MNAT1: variants seen among roughly 807,000 people sequenced by gnomAD.
The protein encoded by MNAT1 is CDK-activating kinase assembly factor MAT1.
In MNAT1, 43 loss-of-function variants were observed where a neutral mutation model predicts 42.0. That is an observed-to-expected ratio of 1.02 (90% confidence interval 0.80 to 1.32). MNAT1 has a LOEUF of 1.32. Among genes scored for constraint, MNAT1 ranks in the 40% most tolerant of loss-of-function variants. MNAT1 has a pLI of 0.00. For synonymous variants in MNAT1, 118 were observed against 120.0 expected (o/e 0.98, Z 0.11); for missense variants, 306 against 350.4 (o/e 0.87, Z 1.01).
chr14:60,821,605 G>A (rs538337997), intron 6 of MNAT1, among the ~76,000 whole-genome samples: 1 of 152,224 alleles, frequency 6.6e-6, no homozygotes, highest in East Asian at 1.9e-4. Context: ...TTTATGCATC[G>A]ATCAAGTGTG....
chr14:60,864,057 AC>A (rs1472495457), intron 6 of MNAT1, among the ~76,000 whole-genome samples: 4 of 152,002 alleles, frequency 2.6e-5, no homozygotes, highest in Non-Finnish European at 5.9e-5. Context: ...AAACAAGACA[AC>A]TTCTAAGTGA....
chr14:60,923,950 A>G (rs2035714607), intron 7 of MNAT1, among the ~76,000 whole-genome samples: 1 of 152,214 alleles, frequency 6.6e-6, no homozygotes, highest in African/African-American at 2.4e-5. Flanking sequence ...AAAACAAGAT[A>G]AAAACAGTAG....
At chr14:60,941,227 CT>C (rs2036153010) in intron 7 of MNAT1, among the ~76,000 whole-genome samples, 1 of 152,154 alleles carries the variant, frequency 6.6e-6, no homozygotes, top group African/African-American at 2.4e-5. Context: ...ATTTCTCTGG[CT>C]AGTCCATTTT....
intron 6 of MNAT1, 53 bp from the exon 7 acceptor site, chr14:60,879,661 A>T (rs1191445666): frequency 6.7e-7 from 1 of 1,492,478 alleles, no homozygotes; most frequent in Non-Finnish European, 9.2e-7. Context: ...ATAAATAAGT[A>T]GCAATATGAA....
chr14:60,935,933 G>A (rs1394248559), intron 7 of MNAT1, among the ~76,000 whole-genome samples: 1 of 152,098 alleles, frequency 6.6e-6, no homozygotes, highest in Non-Finnish European at 1.5e-5. Flanking sequence ...TGAAAGGTGA[G>A]TAGAACAGGA....
In MNAT1 at chr14:60,744,827, C is replaced by T. The variant is rs143947674; in HGVS notation, c.89+9876C>T. 1.7e-3 allele frequency among the ~76,000 whole-genome samples: 260 copies of T among 152,272 alleles called. 1 individual carries two copies. Among genetic ancestry groups the T allele is most frequent in the African/African-American group, 5.5e-3 (230 of 41,550 alleles). On this transcript the variant is annotated intron_variant, in intron 1 of 7. Transcript: ENST00000261245. ...CTCTTAGTTGAGGCATTTTTGATAT[C>T]TCAGCTGGATATCTGAGATGTTAAT...
intron 6 of MNAT1, among the ~76,000 whole-genome samples, chr14:60,857,910 T>C (rs1468494663): frequency 6.6e-6 from 1 of 152,204 alleles, no homozygotes; most frequent in Non-Finnish European, 1.5e-5. Context: ...GAACTCATCA[T>C]TTTTTATGGC....
At chr14:60,892,896 C>T (rs1279509828) in intron 7 of MNAT1, among the ~76,000 whole-genome samples, 1 of 152,024 alleles carries the variant, frequency 6.6e-6, no homozygotes, top group Non-Finnish European at 1.5e-5. Context: ...GTTGACAGCA[C>T]CACAGAATTA....
At chr14:60,736,154 A>G (rs1355582600) in intron 1 of MNAT1, among the ~76,000 whole-genome samples, 1 of 152,246 alleles carries the variant, frequency 6.6e-6, no homozygotes, top group Admixed American at 6.5e-5. Context: ...AGTAAGGTAA[A>G]AGTAATCAAG....
chr14:60,799,367 C>T (rs974297338), intron 3 of MNAT1: 2 of 985,174 alleles, frequency 2.0e-6, no homozygotes, highest in African/African-American at 3.5e-5. Context: ...AGAAAGAAAT[C>T]TACAAGAACT....
intron 1 of MNAT1, among the ~76,000 whole-genome samples, chr14:60,737,297 C>T (rs539047355): frequency 2.3e-4 from 35 of 152,056 alleles, no homozygotes; most frequent in South Asian, 2.3e-3. Context: ...TGTATATTTT[C>T]GGATATTTTC....
chr14:60,925,434 A>T (rs1335424724), intron 7 of MNAT1, among the ~76,000 whole-genome samples: 3 of 152,174 alleles, frequency 2.0e-5, no homozygotes, highest in Non-Finnish European at 4.4e-5. Flanking sequence ...AATGGGATGC[A>T]TGAAGCCACA....
intron 6 of MNAT1, among the ~76,000 whole-genome samples, chr14:60,852,019 C>T (rs2033835780): frequency 6.6e-6 from 1 of 152,122 alleles, no homozygotes. Flanking sequence ...CATACGTGTG[C>T]ATGTGTCTTT....
chr14:60,786,972 T>G (rs1192398667), intron 1 of MNAT1, among the ~76,000 whole-genome samples: 1 of 152,184 alleles, frequency 6.6e-6, no homozygotes, highest in Non-Finnish European at 1.5e-5. Context: ...TTAATGGAAA[T>G]CAGAGTATTA....
intron 6 of MNAT1, among the ~76,000 whole-genome samples, chr14:60,841,101 T>G (rs1471434467): frequency 2.0e-5 from 3 of 152,082 alleles, no homozygotes; most frequent in Non-Finnish European, 4.4e-5. Context: ...ATGTTAAAAT[T>G]TCCTGTTTTC....
At chr14:60,792,152 G>T (rs952428774) in intron 1 of MNAT1, among the ~76,000 whole-genome samples, 2 of 152,020 alleles carry the variant, frequency 1.3e-5, no homozygotes, top group African/African-American at 4.8e-5. Context: ...TTTTTTTCAT[G>T]TGTTTTCCAT....
chr14:60,887,859 A>G (rs1336176778), intron 7 of MNAT1, among the ~76,000 whole-genome samples: 1 of 152,128 alleles, frequency 6.6e-6, no homozygotes, highest in African/African-American at 2.4e-5. Context: ...AGAAATGGAT[A>G]AATTCCTCGA....
chr14:60,777,551 C>T (rs1020135694), intron 1 of MNAT1, among the ~76,000 whole-genome samples: 2 of 151,884 alleles, frequency 1.3e-5, no homozygotes, highest in African/African-American at 4.8e-5. Context: ...TTTAAATTTA[C>T]AATTGTTTTC....
At chr14:60,918,758 T>A (rs10140004) in intron 7 of MNAT1, among the ~76,000 whole-genome samples, 6,669 of 142,084 alleles carry the variant, frequency 0.047, 393 homozygotes, top group African/African-American at 0.14. Flanking sequence ...ATATATATAT[T>A]TTTGTCCTTA....
Sources: gnomAD v4.1 joint callset for allele counts (sites outside exome capture counted in the v4.1 genomes callset) on GRCh38, gnomAD v4.1.1 for gene constraint, MANE v1.5 for transcripts, NCBI Gene and HGNC (gene_info 2026-07-23, HGNC 2026-07-21) for gene names.